Variants in DECR1 observed in about 807,000 individuals in gnomAD.
The protein encoded by DECR1 is 2,4-dienoyl-CoA reductase [(3E)-enoyl-CoA-producing], mitochondrial.
Under a neutral mutation model 38.8 loss-of-function variants are expected in DECR1, and 44 were observed. The ratio of observed to expected loss-of-function variants is 1.13; its 90% CI spans 0.89 to 1.46. The LOEUF is 1.46. DECR1 is among the 40% of genes most tolerant of loss of function. DECR1 has a pLI of 0.00. For synonymous variants in DECR1, 148 were observed against 135.2 expected (o/e 1.09, Z -0.66); for missense variants, 428 against 405.5 (o/e 1.06, Z -0.48).
At chr8:90,025,573 T>A (rs149129151) in intron 5 of DECR1, among the ~76,000 whole-genome samples, 6,520 of 152,334 alleles carry the variant, frequency 0.043, 281 homozygotes, top group East Asian at 0.19. Context: ...ATTGATTTTG[T>A]ATCCTGAGAC....
At chr8:90,021,191 A>G in intron 5 of DECR1, 135 bp downstream of exon 5, 1 of 572,768 alleles carries the variant, frequency 1.7e-6, no homozygotes, top group Non-Finnish European at 2.7e-6. Context: ...GAAAAATGAT[A>G]TTTAAATAAT....
chr8:90,023,793 G>A (rs1813228363), intron 5 of DECR1, among the ~76,000 whole-genome samples: 1 of 152,036 alleles, frequency 6.6e-6, no homozygotes, highest in African/African-American at 2.4e-5. Flanking sequence ...ATGTATACAT[G>A]TGCCATGTTG....
intron 1 of DECR1, among the ~76,000 whole-genome samples, chr8:90,008,079 A>G (rs1474795518): frequency 1.3e-5 from 2 of 152,236 alleles, no homozygotes; most frequent in Non-Finnish European, 2.9e-5. Flanking sequence ...TTCATGCTTC[A>G]AAACCATATT....
chr8:90,004,993 T>C (rs1812705764), intron 1 of DECR1, among the ~76,000 whole-genome samples: 1 of 152,174 alleles, frequency 6.6e-6, no homozygotes, highest in Non-Finnish European at 1.5e-5. Flanking sequence ...AAACTGTACA[T>C]ACCTAGAGGA....
chr8:90,029,386 C>T (rs1813437876), intron 5 of DECR1: 2 of 152,204 alleles, frequency 1.3e-5, no homozygotes, highest in South Asian at 4.1e-4. Flanking sequence ...GAATTTAAAA[C>T]TAAGAAGTAG....
At chr8:90,011,556 C>T (rs1017676947) in intron 1 of DECR1, among the ~76,000 whole-genome samples, 1 of 152,166 alleles carries the variant, frequency 6.6e-6, no homozygotes, top group Non-Finnish European at 1.5e-5. Context: ...GTCCTCTTAA[C>T]AAAATTAAGC....
intron 5 of DECR1, among the ~76,000 whole-genome samples, chr8:90,024,894 G>A (rs1294108744): frequency 6.6e-6 from 1 of 152,150 alleles, no homozygotes; most frequent in Non-Finnish European, 1.5e-5. Flanking sequence ...ATAAATTTTT[G>A]TATAAGGAGT....
chr8:90,026,524 G>A (rs1332992164), intron 5 of DECR1, among the ~76,000 whole-genome samples: 1 of 152,164 alleles, frequency 6.6e-6, no homozygotes, highest in Non-Finnish European at 1.5e-5. Flanking sequence ...GGTGTTTATA[G>A]TATTCTCTGA....
intron 5 of DECR1, 65 bp from the exon 6 acceptor site, chr8:90,036,776 A>G: frequency 1.9e-6 from 2 of 1,027,574 alleles, no homozygotes; most frequent in Admixed American, 2.2e-5. Context: ...TTTATAAATA[A>G]TGTTTTCCTT....
intron 5 of DECR1, among the ~76,000 whole-genome samples, chr8:90,031,235 T>C (rs1813486056): frequency 6.6e-6 from 1 of 152,148 alleles, no homozygotes; most frequent in Non-Finnish European, 1.5e-5. Context: ...CTGTAATGAT[T>C]ATAAGAGCTA....
chr8:90,021,106 G>A (rs745800534), intron 5 of DECR1, 50 bp downstream of exon 5: 1 of 1,466,272 alleles, frequency 6.8e-7, no homozygotes, highest in Non-Finnish European at 9.1e-7. Context: ...TGTGTGCAAG[G>A]TTCTGTGGTA....
intron 1 of DECR1, among the ~76,000 whole-genome samples, chr8:90,009,902 G>A (rs950218635): frequency 6.6e-6 from 1 of 152,158 alleles, no homozygotes; most frequent in South Asian, 2.1e-4. Flanking sequence ...GATAACCACT[G>A]TAATAAAATG....
chr8:90,038,454 CTTTT>C (rs759045189), intron 6 of DECR1, among the ~76,000 whole-genome samples: 1 of 111,750 alleles, frequency 8.9e-6, no homozygotes, highest in Non-Finnish European at 1.8e-5. Context: ...CATCGCGGGC[CTTTT>C]TTTTTTTTTT....
At chr8:90,033,567 G>A (rs184806555) in intron 5 of DECR1, among the ~76,000 whole-genome samples, 31 of 152,184 alleles carry the variant, frequency 2.0e-4, no homozygotes, top group Admixed American at 2.6e-4. Flanking sequence ...TTTTGAAGCC[G>A]ATAATTGTTT....
chr8:90,023,081 G>A (rs879777475), intron 5 of DECR1, among the ~76,000 whole-genome samples: 4 of 152,170 alleles, frequency 2.6e-5, no homozygotes, highest in Non-Finnish European at 5.9e-5. Context: ...GTACTGGATC[G>A]ACAGTCAAGG....
At chr8:90,046,839 C>A in intron 8 of DECR1, among the ~76,000 whole-genome samples, 1 of 152,204 alleles carries the variant, frequency 6.6e-6, no homozygotes, top group South Asian at 2.1e-4. Flanking sequence ...GTGGATCTCT[C>A]AGCAGAAACT....
chr8:90,033,597 T>C lies in DECR1; in HGVS notation c.566-3244T>C, dbSNP rs566930115. ...TTGTTTCACCTTGCAGCATTAATGC[T>C]ATTGGAACAGTGCAGTTTCAAACCT... On this transcript the variant is annotated intron_variant, in intron 5 of 9. Transcript: ENST00000220764. 5.3e-5 allele frequency among the ~76,000 whole-genome samples: 8 copies of C among 152,340 alleles called. No individual in the cohort carries two copies. In the South Asian group the frequency reaches 1.0e-3, roughly 20 times the overall value.
chr8:90,042,704 T>C, intron 6 of DECR1, 24 bp from the exon 7 acceptor site: 1 of 1,586,302 alleles, frequency 6.3e-7, no homozygotes, highest in Non-Finnish European at 8.7e-7. Flanking sequence ...TTTCAGAATG[T>C]ATGTTGTTGA....
intron 1 of DECR1, chr8:90,006,272 G>C: frequency 2.8e-6 from 2 of 704,114 alleles, no homozygotes; most frequent in Non-Finnish European, 5.2e-6. Context: ...CCTGCTCATG[G>C]GGGAGGTATG....
Sources: allele counts gnomAD v4.1 joint callset (sites outside exome capture counted in the v4.1 genomes callset), GRCh38; gene constraint gnomAD v4.1.1; transcripts MANE v1.5; gene names NCBI Gene and HGNC (gene_info 2026-07-23, HGNC 2026-07-21).